The following DOK6 variants were observed in gnomAD, a reference collection of about 807,000 sequenced individuals.
The protein encoded by DOK6 is downstream of tyrosine kinase 6.
DOK6 carries 22 observed loss-of-function variants against 44.0 expected under a neutral mutation model. That is an observed-to-expected ratio of 0.50 (90% CI 0.36 to 0.71). The LOEUF is 0.71. DOK6 is among the 30% of genes least tolerant of loss of function. The pLI, the probability that DOK6 is intolerant of heterozygous loss-of-function variation, is 0.00. For synonymous variants in DOK6, 166 were observed against 145.5 expected, an observed-to-expected ratio of 1.14 and a Z score of -1.01; for missense variants, 340 against 416.4, an observed-to-expected ratio of 0.82 and a Z score of 1.60.
At chr18:69,709,116 T>G (rs149013337) in intron 5 of DOK6, among the ~76,000 whole-genome samples, 1 of 152,248 alleles carries the variant, frequency 6.6e-6, no homozygotes, top group African/African-American at 2.4e-5. Context: ...TCGTGAAATC[T>G]TCTTTAAGGG....
At chr18:69,773,535 AC>A (rs1478780971) in intron 7 of DOK6, among the ~76,000 whole-genome samples, 1 of 152,022 alleles carries the variant, frequency 6.6e-6, no homozygotes, top group Non-Finnish European at 1.5e-5. Context: ...GCCATATGCT[AC>A]ATCATGGATG....
At chr18:69,743,893 C>G (rs1978888425) in intron 6 of DOK6, among the ~76,000 whole-genome samples, 1 of 151,694 alleles carries the variant, frequency 6.6e-6, no homozygotes, top group Non-Finnish European at 1.5e-5. Flanking sequence ...CAGAAAAGCT[C>G]TGTATACAGT....
chr18:69,718,357 T>C (rs1403617091), intron 5 of DOK6, among the ~76,000 whole-genome samples: 1 of 151,942 alleles, frequency 6.6e-6, no homozygotes, highest in Non-Finnish European at 1.5e-5. Context: ...AGAGTTGGGG[T>C]GAGAGCACAC....
At chr18:69,840,398 GA>G (rs1982180865) in intron 7 of DOK6, among the ~76,000 whole-genome samples, 1 of 152,220 alleles carries the variant, frequency 6.6e-6, no homozygotes, top group Non-Finnish European at 1.5e-5. Context: ...TAAAAAGGAT[GA>G]GGGGGAAAAA....
At chr18:69,520,444 T>C (rs1981653891) in intron 1 of DOK6, among the ~76,000 whole-genome samples, 1 of 151,856 alleles carries the variant, frequency 6.6e-6, no homozygotes, top group African/African-American at 2.4e-5. Context: ...GAATCACTGA[T>C]AGTTTTAGAT....
intron 7 of DOK6, among the ~76,000 whole-genome samples, chr18:69,803,921 G>A (rs1283224216): frequency 3.3e-5 from 5 of 152,112 alleles, no homozygotes; most frequent in African/African-American, 1.2e-4. Flanking sequence ...AAAGTTGCAG[G>A]AAGAAATAGA....
chr18:69,448,828 T>G (rs1442830941), intron 1 of DOK6, among the ~76,000 whole-genome samples: 1 of 152,256 alleles, frequency 6.6e-6, no homozygotes. Context: ...CTACCAATAC[T>G]GAGTGCCATG....
intron 1 of DOK6, among the ~76,000 whole-genome samples, chr18:69,410,026 C>T (rs1478592261): frequency 6.6e-6 from 1 of 152,156 alleles, no homozygotes; most frequent in Non-Finnish European, 1.5e-5. Flanking sequence ...CTATATAAGT[C>T]TCCTAAACCA....
intron 1 of DOK6, among the ~76,000 whole-genome samples, chr18:69,509,637 C>CAAA (rs1183367298): frequency 0.018 from 605 of 33,926 alleles, 93 homozygotes; most frequent in African/African-American, 0.026. Context: ...GGCTCTGTCT[C>CAAA]AAAAAAAAAA....
chr18:69,680,590 A>G (rs1294569658), intron 4 of DOK6, among the ~76,000 whole-genome samples: 4 of 152,242 alleles, frequency 2.6e-5, no homozygotes, highest in Admixed American at 2.0e-4. Context: ...TCAATAATCT[A>G]GTGTGTATAC....
chr18:69,612,586 G>T (rs1174037506), intron 3 of DOK6, among the ~76,000 whole-genome samples: 4 of 140,614 alleles, frequency 2.8e-5, no homozygotes, highest in African/African-American at 1.1e-4. Context: ...TCAGCGTAAG[G>T]TTCTCCTGCT....
chr18:69,470,365 G>A (rs578110536), intron 1 of DOK6, among the ~76,000 whole-genome samples: 1 of 152,152 alleles, frequency 6.6e-6, no homozygotes, highest in African/African-American at 2.4e-5. Flanking sequence ...AGCCAAACAG[G>A]AGACCCCTTT....
Position 69,543,702 on chromosome 18 carries a change from C to T in DOK6, c.67-20785C>T, listed in dbSNP as rs188394421. ...CTTGATTTTTGTATCTCCGTTACTACCTTTTAAAAAAATATTTCTGCACCT... is the reference window on the plus strand; with the variant it reads ...CTTGATTTTTGTATCTCCGTTACTATCTTTTAAAAAAATATTTCTGCACCT... On this transcript the variant is annotated intron_variant, in intron 1 of 7. Coordinates refer to ENST00000382713, the MANE Select transcript of DOK6 (RefSeq NM_152721.6). 2.3e-3 allele frequency among the ~76,000 whole-genome samples: 346 copies of T among 151,334 alleles called. 1 individual carries two copies. The highest frequency in any genetic ancestry group is 8.0e-3 in the African/African-American group (330 of 41,414).
At chr18:69,674,896 G>A (rs1441959351) in intron 3 of DOK6, among the ~76,000 whole-genome samples, 1 of 152,108 alleles carries the variant, frequency 6.6e-6, no homozygotes, top group East Asian at 1.9e-4. Flanking sequence ...CATATGGAGA[G>A]TTCACAATAA....
chr18:69,444,810 C>A (rs1345293353), intron 1 of DOK6, among the ~76,000 whole-genome samples: 1 of 151,738 alleles, frequency 6.6e-6, no homozygotes, highest in Admixed American at 6.6e-5. Flanking sequence ...TCCAAGTTTG[C>A]TTTAATTTAT....
intron 1 of DOK6, among the ~76,000 whole-genome samples, chr18:69,460,860 C>A (rs566343591): frequency 5.7e-4 from 87 of 152,268 alleles, no homozygotes; most frequent in African/African-American, 2.1e-3. Context: ...TTCGATCATG[C>A]CCACTTTTTA....
At chr18:69,602,671 G>A (rs920354665) in intron 3 of DOK6, among the ~76,000 whole-genome samples, 1 of 152,078 alleles carries the variant, frequency 6.6e-6, no homozygotes, top group Non-Finnish European at 1.5e-5. Flanking sequence ...AGGCTATATA[G>A]GAACTCAGTA....
intron 1 of DOK6, among the ~76,000 whole-genome samples, chr18:69,524,411 G>C (rs1312845439): frequency 6.6e-6 from 1 of 151,912 alleles, no homozygotes; most frequent in Non-Finnish European, 1.5e-5. Flanking sequence ...GCTACACTGA[G>C]CCTCTGTGTG....
intron 5 of DOK6, among the ~76,000 whole-genome samples, chr18:69,728,138 T>C (rs879327521): frequency 6.6e-6 from 1 of 152,236 alleles, no homozygotes; most frequent in Non-Finnish European, 1.5e-5. Context: ...CCCTGCTCTT[T>C]GACTCCAGTC....
Sources: allele counts gnomAD v4.1 joint callset (sites outside exome capture counted in the v4.1 genomes callset), GRCh38; gene constraint gnomAD v4.1.1; transcripts MANE v1.5; gene names NCBI Gene and HGNC (gene_info 2026-07-23, HGNC 2026-07-21).